Variants in MTFMT observed in about 807,000 individuals in gnomAD.
MTFMT encodes the protein mitochondrial methionyl-tRNA formyltransferase.
MTFMT carries 47 observed loss-of-function variants against 51.8 expected under a neutral mutation model. The observed-to-expected ratio is 0.91, with a 90% CI of 0.72 to 1.16. The LOEUF is 1.16. Among genes scored for constraint, MTFMT ranks in the 50% most tolerant of loss-of-function variants. MTFMT has a pLI of 0.00. For missense variants in MTFMT, 512 were observed against 482.3 expected (o/e 1.06, Z -0.58); for synonymous variants, 196 against 176.7 (o/e 1.11, Z -0.87).
At chr15:65,005,111 T>C (rs2086211414) in intron 7 of MTFMT, among the ~76,000 whole-genome samples, 175 bp from the exon 8 acceptor site, 1 of 152,214 alleles carries the variant, frequency 6.6e-6, no homozygotes, top group Admixed American at 6.5e-5. Flanking sequence ...GTGCTCTCTG[T>C]ACATCAGAAA....
chr15:65,003,071 G>T lies in MTFMT; in HGVS notation c.1161C>A (p.Cys387Ter). The T allele has an allele frequency of 6.3e-7, 1 of 1,583,976 alleles. No homozygotes were observed. The highest frequency in any genetic ancestry group is 8.6e-7 in the Non-Finnish European group (1 of 1,162,902). The change falls in exon 9 of 9, where the codon TGC becomes TGA. Residue 387 changes from cysteine (C) to a stop codon, truncating the protein, a stop_gained. Transcript: ENST00000220058. LOFTEE classifies it high-confidence loss of function. ...KQKKTVAMQQ[C>*]IE is the part of the protein sequence containing the mutation. ...TCCATCTTCTTCCTAACTACTCAAT[G>T]CATTGTTGCATAGCAACAGTTTTTT...
chr15:65,007,421 A>G (rs1295765881), intron 6 of MTFMT, among the ~76,000 whole-genome samples: 1 of 152,244 alleles, frequency 6.6e-6, no homozygotes, highest in Non-Finnish European at 1.5e-5. Flanking sequence ...TCTGCTGCAC[A>G]GTAACCCATT....
chr15:65,020,106 G>C (rs933967963), intron 5 of MTFMT, 91 bp downstream of exon 5: 33 of 1,225,738 alleles, frequency 2.7e-5, no homozygotes, highest in Non-Finnish European at 3.7e-5. Flanking sequence ...AAAATTAAGG[G>C]AAAAGTACAG....
chr15:65,027,729 G>T (rs187625703), intron 1 of MTFMT, among the ~76,000 whole-genome samples: 2 of 151,894 alleles, frequency 1.3e-5, no homozygotes, highest in Admixed American at 6.6e-5. Context: ...TTAAATATAC[G>T]TATATTTGTA....
At chr15:65,027,117 G>A (rs1283028872) in intron 1 of MTFMT, 77 bp from the exon 2 acceptor site, 2 of 996,684 alleles carry the variant, frequency 2.0e-6, no homozygotes, top group African/African-American at 1.6e-5. Context: ...ATATCGCTAA[G>A]TATGTTTATG....
In MTFMT at chr15:65,029,443, C is replaced by A; in HGVS notation, c.171G>T (p.Gln57His). The A allele has an allele frequency of 6.6e-7, 1 of 1,518,860 alleles. No individual in the cohort carries two copies. The highest frequency in any genetic ancestry group is 8.8e-7 in the Non-Finnish European group (1 of 1,136,094). 94.1% of individuals were successfully genotyped at this position (1,518,860 alleles called of 1,614,324 possible). ...PWRVLFFGTDQFAREALRALH... is the reference protein window; with the variant it reads ...PWRVLFFGTDHFAREALRALH... ...GCGCCCGCAGCGCCTCGCGGGCGAA[C>A]TGGTCCGTGCCGAAGAAGAGCACCC... Residue 57 changes from glutamine to histidine, a missense_variant, in exon 1 of 9, where the codon CAG (glutamine) becomes CAT (histidine). By Grantham distance (24) the Gln-to-His change is conservative. Coordinates refer to ENST00000220058, the MANE Select transcript of MTFMT (RefSeq NM_139242.4).
chr15:65,006,437 C>T lies in MTFMT; in HGVS notation c.814-246G>A, dbSNP rs2414867. The stretch of plus-strand genomic sequence containing the variant: ...GTGTCACCAGGCTGGAGTGCAGTGG[C>T]GCGATCTTGGCTCACTGCAAGCTCC... On this transcript the variant is annotated intron_variant, in intron 6 of 8. Coordinates refer to ENST00000220058, the MANE Select transcript of MTFMT (RefSeq NM_139242.4). Among the ~76,000 whole-genome samples the T allele has an allele frequency of 0.51, 76,053 of 148,530 alleles. 20,411 individuals carry two copies. The highest frequency in any genetic ancestry group is 0.83 in the East Asian group (4,173 of 5,052).
chr15:65,029,579 G>A lies in MTFMT; in HGVS notation c.35C>T (p.Pro12Leu), dbSNP rs774208069. The stretch of plus-strand genomic sequence containing the variant: ...CCCACGCCTGGCGCCATGAGCCAGC[G>A]GAGGACCCCAACAGCGCCGCACCAA... Reference protein sequence around the residue: ...RVLVRRCWGPPLAHGARRGRP... With the variant: ...RVLVRRCWGPLLAHGARRGRP... Residue 12 changes from proline (P) to leucine (L), a missense_variant, in exon 1 of 9, where the codon CCG becomes CTG. Coordinates refer to ENST00000220058, the MANE Select transcript of MTFMT (RefSeq NM_139242.4). 1.2e-4 allele frequency: 182 copies of A among 1,498,780 alleles called. No homozygotes were observed. The African/African-American group carries it at 2.2e-3, about 18-fold the overall frequency. The allele number at this position is 1,498,780 out of a possible 1,614,324, so 92.8% of individuals were successfully genotyped here. A position where few individuals can be genotyped will look rare whatever the true frequency, so the allele number is the denominator to read the frequency against.
intron 2 of MTFMT, 88 bp downstream of exon 2, chr15:65,026,743 T>G: frequency 1.0e-6 from 1 of 999,300 alleles, no homozygotes; most frequent in Non-Finnish European, 1.5e-6. Flanking sequence ...ACAGAAAGCA[T>G]AGAGTTCAAA....
intron 6 of MTFMT, among the ~76,000 whole-genome samples, chr15:65,006,672 G>A (rs1477677285): frequency 6.6e-6 from 1 of 151,986 alleles, no homozygotes; most frequent in African/African-American, 2.4e-5. Flanking sequence ...CACCGCGCCC[G>A]GCCGATTTAT....
intron 5 of MTFMT, 31 bp from the exon 6 acceptor site, chr15:65,016,558 C>T: frequency 6.9e-7 from 1 of 1,440,930 alleles, no homozygotes; most frequent in South Asian, 1.2e-5. Context: ...CAAAAATGAA[C>T]ATCAGGGTCA....
intron 2 of MTFMT, 158 bp downstream of exon 2, chr15:65,026,673 T>C: frequency 3.0e-6 from 2 of 671,386 alleles, no homozygotes; most frequent in Non-Finnish European, 4.9e-6. Context: ...GAGAAATTCA[T>C]TGACTTTAAG....
At position 65,023,762 on chromosome 15, in the gene MTFMT, G is replaced by A. The variant is rs587777244; in HGVS notation, c.452C>T (p.Pro151Leu). 15 of 1,612,596 alleles carry A rather than the reference G, an allele frequency of 9.3e-6. No homozygotes were observed. Among genetic ancestry groups the A allele is most frequent in the South Asian group, 2.2e-5 (2 of 90,892 alleles). Reference protein sequence around the residue: ...GILNVHPSCLPRWRGPAPVIH... With the variant: ...GILNVHPSCLLRWRGPAPVIH... Reference sequence around the variant, plus strand: ...TACAGGGGCTGGGCCACGCCATCTCGGGAGGCAACTGGGATGAACATTCAA... The same window carrying A: ...TACAGGGGCTGGGCCACGCCATCTCAGGAGGCAACTGGGATGAACATTCAA... Residue 151 changes from proline (P) to leucine (L), a missense_variant, in exon 3 of 9, where the codon CCG (proline) becomes CTG (leucine). Physicochemically the swap from Pro to Leu is moderately conservative, Grantham distance 98. Transcript: ENST00000220058.
intron 6 of MTFMT, among the ~76,000 whole-genome samples, chr15:65,006,944 G>C (rs2086224250): frequency 1.3e-5 from 2 of 152,136 alleles, no homozygotes; most frequent in Admixed American, 1.3e-4. Flanking sequence ...ATGCCACCCA[G>C]GTCATTATGC....
intron 7 of MTFMT, 59 bp downstream of exon 7, chr15:65,006,054 T>G: frequency 8.4e-7 from 1 of 1,189,446 alleles, no homozygotes; most frequent in African/African-American, 1.5e-5. Flanking sequence ...AAAACAGACG[T>G]ATTTCCAGAT....
Position 65,023,683 on chromosome 15 carries a change from A to T in MTFMT, c.531T>A (p.Ile177=), listed in dbSNP as rs372125461. The change falls in exon 3 of 9, where the codon ATT becomes ATA. Residue 177 remains isoleucine, a synonymous_variant. Transcript: ENST00000220058. Reference sequence around the variant, plus strand: ...AAAATATGTGCTACCTTTTAGGTCTAATTTGCATAATTGTTACTCCAGTAA... The same window carrying T: ...AAAATATGTGCTACCTTTTAGGTCTTATTTGCATAATTGTTACTCCAGTAA... ...DTVTGVTIMQ[I]RPKRFDVGPI... The T allele has an allele frequency of 6.2e-7, 1 of 1,613,534 alleles. No homozygotes were observed. Among genetic ancestry groups the T allele is most frequent in the Non-Finnish European group, 8.5e-7 (1 of 1,179,568 alleles).
In MTFMT at chr15:65,003,009, G is replaced by A; in HGVS notation, c.*53C>T. 4.1e-5 allele frequency: 38 copies of A among 937,202 alleles called. No individual in the cohort carries two copies. Among genetic ancestry groups the A allele is most frequent in the Middle Eastern group, 2.5e-4 (1 of 4,046 alleles). The allele number at this position is 937,202 out of a possible 1,614,324, so 58.1% of individuals were successfully genotyped here. A position where few individuals can be genotyped will look rare whatever the true frequency, so the allele number is the denominator to read the frequency against. Reference sequence around the variant, plus strand: ...AGTCCAGATAATTCCTTGTAAATAAGGTTTTTAATAAATTACAAATATGTA... The same window carrying A: ...AGTCCAGATAATTCCTTGTAAATAAAGTTTTTAATAAATTACAAATATGTA... On this transcript the variant is annotated 3_prime_UTR_variant, in exon 9 of 9. Transcript: ENST00000220058.
rs757328986 is a variant in MTFMT, at chr15:65,020,291, G to T, written c.646-19C>A. The T allele has an allele frequency of 3.6e-6, 5 of 1,390,844 alleles. No individual in the cohort carries two copies. Among genetic ancestry groups the T allele is most frequent in the Admixed American group, 3.5e-5 (2 of 56,378 alleles). 86.2% of individuals were successfully genotyped at this position (1,390,844 alleles called of 1,614,324 possible). A position where few individuals can be genotyped will look rare whatever the true frequency, so the allele number is the denominator to read the frequency against. The stretch of plus-strand genomic sequence containing the variant: ...AAATGAGCTACAAAAAAAAAAAAAA[G>T]AGTGTGATATATTCAAAATGAAGGG... On this transcript the variant is annotated intron_variant, in intron 4 of 8. Transcript: ENST00000220058.
chr15:65,005,082 A>C (rs1412446487), intron 7 of MTFMT, 146 bp from the exon 8 acceptor site: 1 of 605,104 alleles, frequency 1.7e-6, no homozygotes, highest in African/African-American at 1.9e-5. Flanking sequence ...TGTAAACCAA[A>C]ACTTACAAGG....
Sources: gnomAD v4.1 joint callset for allele counts (sites outside exome capture counted in the v4.1 genomes callset) on GRCh38, gnomAD v4.1.1 for gene constraint, MANE v1.5 for transcripts, NCBI Gene and HGNC (gene_info 2026-07-23, HGNC 2026-07-21) for gene names.